ROBO1: variants seen among roughly 807,000 people sequenced by gnomAD.
ROBO1 encodes roundabout homolog 1.
ROBO1 carries 149 observed loss-of-function variants against 195.9 expected under a neutral mutation model. The ratio of observed to expected loss-of-function variants is 0.76; its 90% CI spans 0.67 to 0.87. The LOEUF is 0.87. ROBO1 is among the 40% of genes least tolerant of loss of function. The pLI is 0.00. For synonymous variants in ROBO1, 816 were observed against 733.2 expected, an observed-to-expected ratio of 1.11 and a Z score of -1.82; for missense variants, 1,933 against 2,068.3, an observed-to-expected ratio of 0.93 and a Z score of 1.27.
At chr3:78,883,593 C>T (rs933287632) in intron 4 of ROBO1, among the ~76,000 whole-genome samples, 2 of 152,114 alleles carry the variant, frequency 1.3e-5, no homozygotes, top group Non-Finnish European at 2.9e-5. Context: ...CTCCTGGCCT[C>T]AAGTGATCCT....
At chr3:79,617,204 T>C (rs566720373) in intron 1 of ROBO1, among the ~76,000 whole-genome samples, 1 of 152,256 alleles carries the variant, frequency 6.6e-6, no homozygotes, top group African/African-American at 2.4e-5. Context: ...CCAGTCATAG[T>C]ATGTGCTTCT....
At chr3:78,737,849 T>C (rs188935012) in intron 5 of ROBO1, among the ~76,000 whole-genome samples, 1 of 152,214 alleles carries the variant, frequency 6.6e-6, no homozygotes, top group Non-Finnish European at 1.5e-5. Context: ...ATTGACACTT[T>C]ATGTAAGATG....
chr3:79,065,441 T>A (rs1028646049), intron 3 of ROBO1, among the ~76,000 whole-genome samples: 3 of 151,896 alleles, frequency 2.0e-5, no homozygotes, highest in Non-Finnish European at 1.5e-5. Context: ...GCTTTTCCCA[T>A]GAAATATAAT....
At chr3:78,768,205 A>G (rs1399922992) in intron 4 of ROBO1, among the ~76,000 whole-genome samples, 1 of 151,814 alleles carries the variant, frequency 6.6e-6, no homozygotes, top group Non-Finnish European at 1.5e-5. Context: ...GGAGCAGGTT[A>G]TTTAATTTCC....
At chr3:78,832,019 GGA>G (rs2032265993) in intron 4 of ROBO1, among the ~76,000 whole-genome samples, 1 of 74,500 alleles carries the variant, frequency 1.3e-5, no homozygotes, top group Non-Finnish European at 3.4e-5. Context: ...TCAGGTATGA[GGA>G]AATGATAAAT....
intron 2 of ROBO1, among the ~76,000 whole-genome samples, chr3:79,458,430 T>C (rs1245302339): frequency 1.3e-5 from 2 of 152,152 alleles, no homozygotes; most frequent in East Asian, 1.9e-4. Context: ...ACAGTGAGTA[T>C]GAAGGATCTG....
At chr3:79,717,213 G>C (rs61190276) in intron 1 of ROBO1, among the ~76,000 whole-genome samples, 1 of 145,886 alleles carries the variant, frequency 6.9e-6, no homozygotes, top group Non-Finnish European at 1.5e-5. Context: ...TAAAGCTTTT[G>C]TTTTTCTGAA....
At position 79,053,345 on chromosome 3, in the gene ROBO1, A is replaced by C. The variant is rs1468873242; in HGVS notation, c.172+72111T>G. Among the ~76,000 whole-genome samples the C allele has an allele frequency of 4.6e-5, 7 of 151,950 alleles. No homozygotes were observed. In the East Asian group the frequency reaches 7.8e-4, roughly 17 times the overall value. ...CAATATCTAACTCCAGTGACTTTGG[A>C]TTATGGTCACCCCCCAATGACCTTA... On this transcript the variant is annotated intron_variant, in intron 3 of 30. Transcript: ENST00000464233.
intron 3 of ROBO1, among the ~76,000 whole-genome samples, chr3:79,097,387 G>C (rs2079589902): frequency 6.6e-6 from 1 of 151,744 alleles, no homozygotes; most frequent in South Asian, 2.1e-4. Flanking sequence ...TTAGAATGCT[G>C]GGTTTTTCAA....
At chr3:79,319,177 A>G (rs944855761) in intron 2 of ROBO1, among the ~76,000 whole-genome samples, 2 of 152,072 alleles carry the variant, frequency 1.3e-5, no homozygotes, top group African/African-American at 4.8e-5. Flanking sequence ...ACCAGTGTGT[A>G]TTTTACATTT....
At chr3:79,207,849 G>A (rs2081898680) in intron 2 of ROBO1, among the ~76,000 whole-genome samples, 1 of 150,866 alleles carries the variant, frequency 6.6e-6, no homozygotes, top group South Asian at 2.1e-4. Flanking sequence ...TAAATCACTA[G>A]TAATCAGATA....
At chr3:79,557,984 T>C (rs1307237838) in intron 2 of ROBO1, among the ~76,000 whole-genome samples, 1 of 152,032 alleles carries the variant, frequency 6.6e-6, no homozygotes, top group African/African-American at 2.4e-5. Context: ...AGCCTCCAGT[T>C]AATGTTTGTT....
At chr3:79,497,226 T>G (rs1939795921) in intron 2 of ROBO1, among the ~76,000 whole-genome samples, 1 of 152,332 alleles carries the variant, frequency 6.6e-6, no homozygotes, top group African/African-American at 2.4e-5. Context: ...TAACCAGTTT[T>G]TCTTTTTAAA....
intron 1 of ROBO1, among the ~76,000 whole-genome samples, chr3:79,645,242 C>T (rs533843316): frequency 6.6e-6 from 1 of 152,188 alleles, no homozygotes; most frequent in Non-Finnish European, 1.5e-5. Context: ...TGGCTCATGT[C>T]TGTAATCACA....
chr3:78,980,157 TTAAG>T (rs764448949), intron 3 of ROBO1, among the ~76,000 whole-genome samples: 16 of 152,114 alleles, frequency 1.1e-4, no homozygotes, highest in East Asian at 3.9e-4. Context: ...AATCAATACA[TTAAG>T]TAAGAATTCA....
chr3:78,602,914 T>C (rs1431650840), intron 29 of ROBO1, among the ~76,000 whole-genome samples: 1 of 152,130 alleles, frequency 6.6e-6, no homozygotes, highest in Non-Finnish European at 1.5e-5. Flanking sequence ...AATATTGAAA[T>C]TATTATAGAT....
intron 2 of ROBO1, among the ~76,000 whole-genome samples, chr3:79,429,894 TAA>T (rs2038605771): frequency 6.6e-6 from 1 of 151,982 alleles, no homozygotes; most frequent in African/African-American, 2.4e-5. Flanking sequence ...TTCTTAAATA[TAA>T]GATATGTCTG....
chr3:79,058,025 C>A (rs936008006), intron 3 of ROBO1, among the ~76,000 whole-genome samples: 1 of 151,906 alleles, frequency 6.6e-6, no homozygotes, highest in Non-Finnish European at 1.5e-5. Context: ...ACAGAGGAAC[C>A]GGGACATTTG....
At chr3:79,360,079 T>C (rs1000766879) in intron 2 of ROBO1, among the ~76,000 whole-genome samples, 5 of 152,108 alleles carry the variant, frequency 3.3e-5, no homozygotes, top group Admixed American at 1.3e-4. Flanking sequence ...TTATACTGTA[T>C]GTTCTCTGCA....
Sources: allele counts gnomAD v4.1 joint callset (sites outside exome capture counted in the v4.1 genomes callset), GRCh38; gene constraint gnomAD v4.1.1; transcripts MANE v1.5; gene names NCBI Gene and HGNC (gene_info 2026-07-23, HGNC 2026-07-21).